Variants in ZFX observed in about 807,000 individuals in gnomAD.
ZFX encodes zinc finger protein X-linked.
For synonymous variants in ZFX, 196 were observed against 226.8 expected, an observed-to-expected ratio of 0.86 and a Z score of 1.22; for missense variants, 362 against 628.3, an observed-to-expected ratio of 0.58 and a Z score of 4.53.
chrX:24,190,023 T>TA (rs1936429425), intron 5 of ZFX, among the ~76,000 whole-genome samples: 2 of 112,422 alleles, frequency 1.8e-5, no homozygotes, highest in Admixed American at 1.9e-4. Flanking sequence ...TTTACTGAAC[T>TA]AAGGATATTT....
intron 3 of ZFX, among the ~76,000 whole-genome samples, chrX:24,156,913 C>CA (rs1932829112): frequency 9.0e-6 from 1 of 111,586 alleles, no homozygotes; most frequent in African/African-American, 3.3e-5. Context: ...CTCGGCCTCT[C>CA]AAAGTGCTGG....
At chrX:24,165,784 A>G (rs1443508876) in intron 3 of ZFX, among the ~76,000 whole-genome samples, 1 of 112,496 alleles carries the variant, frequency 8.9e-6, no homozygotes, top group Non-Finnish European at 1.9e-5. Flanking sequence ...TAAGTCTGCA[A>G]CTAAAGGTAG....
At chrX:24,179,052 C>A in intron 4 of ZFX, 131 bp from the exon 5 acceptor site, 1 of 555,918 alleles carries the variant, frequency 1.8e-6, no homozygotes, top group Non-Finnish European at 2.8e-6. Context: ...CTCTTTATTT[C>A]TTTAATCTAT....
chrX:24,156,842 G>A, intron 3 of ZFX, among the ~76,000 whole-genome samples: 1 of 110,421 alleles, frequency 9.1e-6, no homozygotes. Context: ...TTTTAGTAGA[G>A]ACGGGGTTTC....
intron 5 of ZFX, among the ~76,000 whole-genome samples, chrX:24,194,377 C>T (rs1936753031): frequency 9.0e-6 from 1 of 111,190 alleles, no homozygotes; most frequent in Non-Finnish European, 1.9e-5. Flanking sequence ...GCCACTGTCC[C>T]TGTGGCGTTT....
intron 6 of ZFX, 37 bp downstream of exon 6, chrX:24,207,512 C>T: frequency 8.4e-7 from 1 of 1,185,996 alleles, no homozygotes. Context: ...CATCCTCATC[C>T]AAATGTTTCA....
At chrX:24,193,242 A>T (rs1055582392) in intron 5 of ZFX, among the ~76,000 whole-genome samples, 30 of 112,586 alleles carry the variant, frequency 2.7e-4, no homozygotes, top group African/African-American at 9.7e-4. Flanking sequence ...ATACAATGGG[A>T]TATCATTCAG....
At chrX:24,170,026 C>T (rs1340435791) in intron 3 of ZFX, among the ~76,000 whole-genome samples, 1 of 111,202 alleles carries the variant, frequency 9.0e-6, no homozygotes, top group Non-Finnish European at 1.9e-5. Flanking sequence ...GTTGAGAATC[C>T]GTAGAGCTGA....
At chrX:24,168,756 A>G (rs1934270945) in intron 3 of ZFX, among the ~76,000 whole-genome samples, 1 of 103,921 alleles carries the variant, frequency 9.6e-6, no homozygotes, top group Non-Finnish European at 1.9e-5. Flanking sequence ...TTTCAGGATC[A>G]TGATTCTCGT....
rs1175722576 is a variant in ZFX, at chrX:24,215,234, A to G, written c.*3858A>G. Reference sequence around the variant, plus strand: ...TCTGTGATCCAACAAGTCCGATAACATGCTGCTGTATTTGTATTCTCTGGG... The same window carrying G: ...TCTGTGATCCAACAAGTCCGATAACGTGCTGCTGTATTTGTATTCTCTGGG... On this transcript the variant is annotated 3_prime_UTR_variant, in exon 10 of 10. Coordinates refer to ENST00000304543, the MANE Select transcript of ZFX (RefSeq NM_003410.4). The G allele has an allele frequency of 2.7e-5, 3 of 112,047 alleles. No homozygotes were observed. The highest frequency in any genetic ancestry group is 1.9e-4 in the Admixed American group (2 of 10,538). 9.2% of individuals were successfully genotyped at this position (112,047 alleles called of 1,213,427 possible). A position where few individuals can be genotyped will look rare whatever the true frequency, so the allele number is the denominator to read the frequency against.
intron 3 of ZFX, among the ~76,000 whole-genome samples, chrX:24,155,797 T>G (rs941249530): frequency 8.9e-6 from 1 of 112,910 alleles, no homozygotes; most frequent in Non-Finnish European, 1.9e-5. Context: ...CCCATGTATT[T>G]ATCGGCCATC....
intron 3 of ZFX, among the ~76,000 whole-genome samples, chrX:24,162,059 A>C (rs890201042): frequency 2.8e-4 from 31 of 109,852 alleles, no homozygotes; most frequent in East Asian, 1.4e-3. Flanking sequence ...AAAAAGGAAA[A>C]AAAAAAAAAA....
intron 5 of ZFX, among the ~76,000 whole-genome samples, chrX:24,186,747 G>C (rs756329040): frequency 3.1e-4 from 35 of 111,869 alleles, no homozygotes; most frequent in African/African-American, 1.1e-3. Context: ...ACAGTATATA[G>C]CTACCTTTGA....
chrX:24,176,674 T>C (rs2147607636), intron 4 of ZFX, among the ~76,000 whole-genome samples: 1 of 109,679 alleles, frequency 9.1e-6, no homozygotes, highest in East Asian at 2.9e-4. Flanking sequence ...TCAGGTAATC[T>C]GCCCACCTTG....
chrX:24,176,153 C>CCT (rs1444938567), intron 4 of ZFX, among the ~76,000 whole-genome samples: 1 of 107,392 alleles, frequency 9.3e-6, no homozygotes, highest in East Asian at 2.9e-4. Context: ...GATTCTCCTG[C>CCT]CTCAGCCTCC....
intron 4 of ZFX, 116 bp downstream of exon 4, chrX:24,172,916 A>G (rs1934760240): frequency 9.1e-6 from 7 of 767,504 alleles, no homozygotes; most frequent in Middle Eastern, 3.5e-4. Context: ...TATCCTGTCA[A>G]AATTCACAGG....
intron 4 of ZFX, among the ~76,000 whole-genome samples, chrX:24,174,899 C>CG (rs1228555060): frequency 2.7e-5 from 3 of 109,622 alleles, no homozygotes; most frequent in African/African-American, 1.0e-4. Context: ...TTTGTGGAGA[C>CG]GGGGTCTCGC....
chrX:24,167,752 A>G lies in ZFX; in HGVS notation c.-28-4963A>G, dbSNP rs372509719. On this transcript the variant is annotated intron_variant, in intron 3 of 9. Coordinates refer to ENST00000304543, the MANE Select transcript of ZFX (RefSeq NM_003410.4). ...AATCTGAGAGAAAAGTTAAAGCAAT[A>G]TAGAAGCTAGATTTAGTAGCCTTTT... Among the ~76,000 whole-genome samples the G allele has an allele frequency of 1.9e-4, 21 of 112,213 alleles. No homozygotes were observed. The East Asian group carries it at 3.9e-3, about 21-fold the overall frequency.
chrX:24,178,351 T>C (rs1359249819), intron 4 of ZFX, among the ~76,000 whole-genome samples: 2 of 90,941 alleles, frequency 2.2e-5, no homozygotes, highest in Non-Finnish European at 2.2e-5. Context: ...TGCAGTGGCG[T>C]GATCTCGGCT....
Sources: gnomAD v4.1 joint callset for allele counts (sites outside exome capture counted in the v4.1 genomes callset) on GRCh38, gnomAD v4.1.1 for gene constraint, MANE v1.5 for transcripts, NCBI Gene and HGNC (gene_info 2026-07-23, HGNC 2026-07-21) for gene names.